The following HHAT variants were observed in gnomAD, a reference collection of about 807,000 sequenced individuals.
HHAT encodes protein-cysteine N-palmitoyltransferase HHAT.
HHAT carries 47 observed loss-of-function variants against 70.8 expected under a neutral mutation model. The observed-to-expected ratio is 0.66, with a 90% CI of 0.53 to 0.85. HHAT has a LOEUF of 0.85. HHAT is among the 40% of genes least tolerant of loss of function. HHAT has a pLI of 0.00. For missense variants in HHAT, 609 were observed against 604.8 expected (o/e 1.01, Z -0.07); for synonymous variants, 228 against 247.6 (o/e 0.92, Z 0.74).
chr1:210,383,048 G>T (rs1277239869), intron 3 of HHAT, among the ~76,000 whole-genome samples: 1 of 152,130 alleles, frequency 6.6e-6, no homozygotes, highest in Non-Finnish European at 1.5e-5. Context: ...AAAAGAAAAA[G>T]TGAGCTTCAG....
At chr1:210,618,815 G>A (rs912604098) in intron 10 of HHAT, among the ~76,000 whole-genome samples, 2 of 152,208 alleles carry the variant, frequency 1.3e-5, no homozygotes, top group African/African-American at 4.8e-5. Flanking sequence ...GCCTGGAAAA[G>A]AGGGATGAGT....
At chr1:210,407,917 TC>T (rs2092396086) in intron 6 of HHAT, among the ~76,000 whole-genome samples, 1 of 152,156 alleles carries the variant, frequency 6.6e-6, no homozygotes, top group African/African-American at 2.4e-5. Flanking sequence ...CACTGTGCTC[TC>T]CCACCTTAGA....
intron 9 of HHAT, among the ~76,000 whole-genome samples, chr1:210,528,447 A>G (rs1205126094): frequency 2.0e-5 from 3 of 152,238 alleles, no homozygotes; most frequent in Non-Finnish European, 2.9e-5. Context: ...GATCAAAGTC[A>G]GTTTTAGGTG....
chr1:210,449,278 C>CA (rs144072018), intron 7 of HHAT, among the ~76,000 whole-genome samples: 1 of 147,028 alleles, frequency 6.8e-6, no homozygotes, highest in Non-Finnish European at 1.5e-5. Context: ...TCATCCTCTA[C>CA]TTTTTTTTTT....
chr1:210,569,373 C>CAAA (rs71146233), intron 9 of HHAT, among the ~76,000 whole-genome samples: 306 of 28,336 alleles, frequency 0.011, 73 homozygotes, highest in Middle Eastern at 0.053. Flanking sequence ...GAGTCTGCCT[C>CAAA]AAAAAAAAAA....
intron 7 of HHAT, among the ~76,000 whole-genome samples, chr1:210,427,984 G>A (rs1376872694): frequency 1.3e-5 from 2 of 151,872 alleles, no homozygotes; most frequent in Non-Finnish European, 2.9e-5. Flanking sequence ...CCTGTGTTGG[G>A]TGCATATATA....
At chr1:210,350,476 T>C (rs886488665) in intron 2 of HHAT, among the ~76,000 whole-genome samples, 7 of 152,246 alleles carry the variant, frequency 4.6e-5, no homozygotes, top group Admixed American at 3.3e-4. Context: ...TTTCCTGATA[T>C]AGATCTTATA....
intron 9 of HHAT, among the ~76,000 whole-genome samples, chr1:210,560,441 G>A (rs1388934952): frequency 6.6e-6 from 1 of 151,980 alleles, no homozygotes; most frequent in African/African-American, 2.4e-5. Flanking sequence ...CTGGCTTCTT[G>A]GGGGCTCACC....
At chr1:210,542,010 C>T (rs1294573098) in intron 9 of HHAT, among the ~76,000 whole-genome samples, 2 of 152,178 alleles carry the variant, frequency 1.3e-5, no homozygotes, top group Non-Finnish European at 2.9e-5. Flanking sequence ...GATAACTGGC[C>T]AGTTGGTGGA....
At chr1:210,453,219 T>C (rs929410531) in intron 7 of HHAT, among the ~76,000 whole-genome samples, 3 of 152,204 alleles carry the variant, frequency 2.0e-5, no homozygotes, top group African/African-American at 7.2e-5. Context: ...TCCCCTCTTT[T>C]GAGGCATTAA....
At chr1:210,339,661 T>C (rs2085828535) in intron 1 of HHAT, among the ~76,000 whole-genome samples, 1 of 152,106 alleles carries the variant, frequency 6.6e-6, no homozygotes, top group South Asian at 2.1e-4. Context: ...GACATGTGCA[T>C]GAGGTCATCA....
At chr1:210,566,237 A>G (rs1346613585) in intron 9 of HHAT, among the ~76,000 whole-genome samples, 2 of 152,202 alleles carry the variant, frequency 1.3e-5, no homozygotes, top group East Asian at 3.8e-4. Flanking sequence ...AGTAGATATT[A>G]AAAAGCTAGA....
At chr1:210,616,954 A>G (rs1245849373) in intron 10 of HHAT, among the ~76,000 whole-genome samples, 17 of 152,254 alleles carry the variant, frequency 1.1e-4, no homozygotes, top group Admixed American at 1.1e-3. Flanking sequence ...AAACACAGAA[A>G]TTGGGTGACT....
At chr1:210,343,375 C>G (rs1017587492) in intron 1 of HHAT, among the ~76,000 whole-genome samples, 1 of 152,194 alleles carries the variant, frequency 6.6e-6, no homozygotes, top group African/African-American at 2.4e-5. Context: ...TTTCTGCCTT[C>G]GTCCTCCTTC....
intron 1 of HHAT, among the ~76,000 whole-genome samples, chr1:210,329,677 G>A (rs932360826): frequency 1.3e-5 from 2 of 152,196 alleles, no homozygotes; most frequent in African/African-American, 4.8e-5. Context: ...GGGTTGTAGG[G>A]CTAGGGCATT....
chr1:210,512,857 C>T (rs78172233), intron 8 of HHAT, among the ~76,000 whole-genome samples: 1,862 of 152,160 alleles, frequency 0.012, 42 homozygotes, highest in African/African-American at 0.042. Context: ...GAGACACTTA[C>T]GCTACTAGAG....
intron 9 of HHAT, among the ~76,000 whole-genome samples, chr1:210,560,960 G>A (rs909332958): frequency 1.3e-5 from 2 of 151,740 alleles, no homozygotes; most frequent in Admixed American, 1.3e-4. Context: ...GGAGAGTGAA[G>A]GAAGCTAATG....
At chr1:210,353,942 G>C (rs534976405) in intron 2 of HHAT, among the ~76,000 whole-genome samples, 8 of 152,146 alleles carry the variant, frequency 5.3e-5, no homozygotes, top group Middle Eastern at 6.8e-3. Context: ...GAATGTGTTT[G>C]GATTGTTGAT....
intron 11 of HHAT, among the ~76,000 whole-genome samples, chr1:210,653,366 A>G (rs1305193539): frequency 7.9e-5 from 12 of 152,044 alleles, no homozygotes; most frequent in Admixed American, 7.9e-4. Flanking sequence ...AAAAAATCAT[A>G]CAAAAGTTAT....
Sources: gnomAD v4.1 joint callset for allele counts (sites outside exome capture counted in the v4.1 genomes callset) on GRCh38, gnomAD v4.1.1 for gene constraint, MANE v1.5 for transcripts, NCBI Gene and HGNC (gene_info 2026-07-23, HGNC 2026-07-21) for gene names.